Variants in GUCA1B observed in about 807,000 individuals in gnomAD.
GUCA1B encodes the protein guanylyl cyclase-activating protein 2.
A neutral mutation model predicts 24.2 loss-of-function variants in GUCA1B; 22 were observed. That is an observed-to-expected ratio of 0.91 (90% CI 0.65 to 1.30). The LOEUF (loss-of-function observed/expected upper bound fraction) is 1.30, where lower values mean the gene tolerates loss of function less well. Among genes scored for constraint, GUCA1B ranks in the 50% most tolerant of loss-of-function variants. GUCA1B has a pLI of 0.00. For synonymous variants in GUCA1B, 100 were observed against 97.9 expected (o/e 1.02, Z -0.13); for missense variants, 221 against 258.8 (o/e 0.85, Z 1.00).
intron 2 of GUCA1B, among the ~76,000 whole-genome samples, chr6:42,188,368 CCAAA>C (rs1020207167): frequency 6.6e-6 from 1 of 150,978 alleles, no homozygotes; most frequent in African/African-American, 2.4e-5. Context: ...TGCCTAATTT[CCAAA>C]CAGATGGGGA....
chr6:42,185,730 G>T lies in GUCA1B; in HGVS notation c.425C>A (p.Pro142His). 6.2e-7 allele frequency: 1 copy of T among 1,613,022 alleles called. No homozygotes were observed. The highest frequency in any genetic ancestry group is 8.5e-7 in the Non-Finnish European group (1 of 1,179,154). ...GAAGATCCTGTCCACGACCTCCTCG[G>T]GTGTGAGCAGCTGGCCTTGCTCAGT... ...LQTEQGQLLT[P>H]EEVVDRIFLL... Residue 142 changes from proline to histidine, a missense_variant, in exon 3 of 4, where the codon CCC (proline) becomes CAC (histidine). Physicochemically the swap from Pro to His is moderately conservative, Grantham distance 77. Transcript: ENST00000230361.
chr6:42,194,646 C>G lies in GUCA1B; in HGVS notation c.175G>C (p.Glu59Gln), dbSNP rs147747825. Residue 59 changes from glutamate to glutamine, a missense_variant, in exon 1 of 4, where the codon GAG (glutamate) becomes CAG (glutamine). Coordinates refer to ENST00000230361, the MANE Select transcript of GUCA1B (RefSeq NM_002098.6). The stretch of plus-strand genomic sequence containing the variant: ...TTGTCGAAGGCTCGGAACATGCCCT[C>G]TACATACTGGGAGGCCTCCTCATCG... ...TDDEEASQYVEGMFRAFDKNG... is the reference protein window; with the variant it reads ...TDDEEASQYVQGMFRAFDKNG... 6.2e-7 allele frequency: 1 copy of G among 1,613,580 alleles called. No individual in the cohort carries two copies. The highest frequency in any genetic ancestry group is 8.5e-7 in the Non-Finnish European group (1 of 1,179,506).
rs531200440 is a variant in GUCA1B at position 42,187,107 on chromosome 6, TTTTATTTTA to T, written c.358-1319_358-1311del. 1.5e-4 allele frequency among the ~76,000 whole-genome samples: 11 copies of T among 75,214 alleles called. No individual in the cohort carries two copies. The African/African-American group carries it at 1.7e-3, about 12-fold the overall frequency. The allele number at this position is 75,214 out of a possible 152,430, so 49.3% of individuals were successfully genotyped here. On this transcript the variant is annotated intron_variant, in intron 2 of 3. Transcript: ENST00000230361. ...CTTTCTTCTACTATCTTTCGATTTATTTTATTTTATTTTTTTGAGACGGAGTCTTGCTCT... is the reference window on the plus strand; with the variant it reads ...CTTTCTTCTACTATCTTTCGATTTATTTTTTTTGAGACGGAGTCTTGCTCT...
At chr6:42,194,137 G>C (rs1768357323) in intron 1 of GUCA1B, among the ~76,000 whole-genome samples, 1 of 152,202 alleles carries the variant, frequency 6.6e-6, no homozygotes, top group African/African-American at 2.4e-5. Flanking sequence ...TCTTGACAGG[G>C]AGGATCTGAC....
chr6:42,194,502 A>C, intron 1 of GUCA1B, 112 bp downstream of exon 1: 1 of 762,918 alleles, frequency 1.3e-6, no homozygotes, highest in Non-Finnish European at 2.4e-6. Flanking sequence ...GAGTGGAAAG[A>C]AGAGCAGAGA....
chr6:42,183,314 T>G lies in GUCA1B; in HGVS notation c.*1501A>C, dbSNP rs962141873. ...TTTAATAGGTTAGTTTTATTTCTTATATACCAACATAAAAACCTATCTATT... is the reference window on the plus strand; with the variant it reads ...TTTAATAGGTTAGTTTTATTTCTTAGATACCAACATAAAAACCTATCTATT... On this transcript the variant is annotated 3_prime_UTR_variant, in exon 4 of 4. Coordinates refer to ENST00000230361, the MANE Select transcript of GUCA1B (RefSeq NM_002098.6). Among the ~76,000 whole-genome samples, 41 of 152,234 alleles carry G rather than the reference T, an allele frequency of 2.7e-4. No individual in the cohort carries two copies. Among genetic ancestry groups the G allele is most frequent in the African/African-American group, 9.2e-4 (38 of 41,472 alleles).
rs777580828 is a variant in GUCA1B, at chr6:42,184,924, T to C, written c.494A>G (p.Glu165Gly). ...GTCCCGACGGGCACCTTCAACAAAC[T>C]CGTTCAGAGACAGCTGGCCTGAGCA... is the stretch of plus-strand genomic sequence containing the variant. ...ENGDGQLSLN[E>G]FVEGARRDKW... Residue 165 changes from glutamate (E) to glycine (G), a missense_variant, in exon 4 of 4, where the codon GAG (glutamate) becomes GGG (glycine). By Grantham distance (98) the Glu-to-Gly change is moderately conservative. Transcript: ENST00000230361. 4.3e-6 allele frequency: 7 copies of C among 1,613,816 alleles called. No homozygotes were observed.
intron 1 of GUCA1B, among the ~76,000 whole-genome samples, chr6:42,193,624 G>A (rs1042997415): frequency 6.6e-6 from 1 of 152,192 alleles, no homozygotes; most frequent in Non-Finnish European, 1.5e-5. Context: ...TGGGGTGGTC[G>A]ATGGGGTTCA....
intron 2 of GUCA1B, 34 bp from the exon 3 acceptor site, chr6:42,185,831 A>G: frequency 7.6e-7 from 1 of 1,321,936 alleles, no homozygotes; most frequent in South Asian, 1.2e-5. Flanking sequence ...TTGACGGGAG[A>G]CCCTGAAAGC....
At chr6:42,194,134 A>C (rs1226795042) in intron 1 of GUCA1B, among the ~76,000 whole-genome samples, 1 of 152,236 alleles carries the variant, frequency 6.6e-6, no homozygotes, top group East Asian at 1.9e-4. Context: ...CATTCTTGAC[A>C]GGGAGGATCT....
Position 42,186,307 on chromosome 6 carries a change from T to C in GUCA1B, c.358-510A>G, listed in dbSNP as rs768905985. Among the ~76,000 whole-genome samples the C allele has an allele frequency of 8.5e-4, 129 of 152,226 alleles. 1 individual carries two copies. Among genetic ancestry groups the C allele is most frequent in the Non-Finnish European group, 5.0e-4 (34 of 67,990 alleles). On this transcript the variant is annotated intron_variant, in intron 2 of 3. Transcript: ENST00000230361. ...TGAGACTATGTTTGTGAAAGCACCA[T>C]GTAGTCTGGGCGCTGTGGCTCATGC...
intron 1 of GUCA1B, among the ~76,000 whole-genome samples, chr6:42,190,588 G>C (rs921198821): frequency 1.3e-5 from 2 of 151,952 alleles, no homozygotes; most frequent in East Asian, 3.9e-4. Context: ...AATCAATCTT[G>C]TGTTTCTTAT....
In GUCA1B at chr6:42,184,027, A is replaced by G. The variant is rs537147201; in HGVS notation, c.*788T>C. 1.3e-4 allele frequency among the ~76,000 whole-genome samples: 20 copies of G among 151,914 alleles called. No individual in the cohort carries two copies. The highest frequency in any genetic ancestry group is 4.6e-4 in the African/African-American group (19 of 41,396). ...AGGGTCCTCCCCATGAACGCCCCTC[A>G]GCATCCCGGAAGTTATAGAATTATT... On this transcript the variant is annotated 3_prime_UTR_variant, in exon 4 of 4. Coordinates refer to ENST00000230361, the MANE Select transcript of GUCA1B (RefSeq NM_002098.6).
intron 1 of GUCA1B, among the ~76,000 whole-genome samples, chr6:42,193,239 A>G (rs1768340619): frequency 6.6e-6 from 1 of 152,240 alleles, no homozygotes; most frequent in Non-Finnish European, 1.5e-5. Flanking sequence ...AAGGAGTACA[A>G]CTATATGCCT....
chr6:42,194,875 G>A lies in GUCA1B; in HGVS notation c.-55C>T. 6.2e-6 allele frequency: 8 copies of A among 1,286,198 alleles called. No homozygotes were observed. The highest frequency in any genetic ancestry group is 2.2e-6 in the Non-Finnish European group (2 of 910,820). The allele number at this position is 1,286,198 out of a possible 1,614,324, so 79.7% of individuals were successfully genotyped here. On this transcript the variant is annotated 5_prime_UTR_variant, in exon 1 of 4. Transcript: ENST00000230361. ...GGTCTGTATCTCCTCCCTGGCTTCT[G>A]CTGATGGATCTCTCCAACTAGGGCC...
chr6:42,192,360 A>T, intron 1 of GUCA1B, among the ~76,000 whole-genome samples: 1 of 30,614 alleles, frequency 3.3e-5, no homozygotes, highest in South Asian at 1.3e-3. Context: ...ACTCAAAAAA[A>T]AAAAAAAAAA....
At chr6:42,186,605 G>GC (rs1768197089) in intron 2 of GUCA1B, among the ~76,000 whole-genome samples, 1 of 149,248 alleles carries the variant, frequency 6.7e-6, no homozygotes, top group African/African-American at 2.6e-5. Context: ...AAAAAAAAAA[G>GC]AAAGAAAGAA....
chr6:42,188,442 CAGAA>C (rs1768235186), intron 2 of GUCA1B, 136 bp downstream of exon 2: 2 of 727,346 alleles, frequency 2.7e-6, no homozygotes, highest in African/African-American at 3.5e-5. Context: ...ATTACACACT[CAGAA>C]TGAGAACACA....
At chr6:42,192,393 AAGAAAAGAAAAGAAAAAGG>A (rs1562064926) in intron 1 of GUCA1B, among the ~76,000 whole-genome samples, 218 of 16,930 alleles carry the variant, frequency 0.013, 20 homozygotes, top group African/African-American at 0.022. Flanking sequence ...GAGAAAAGAA[AAGAAAAGAAAAGAAAAAGG>A]AAAAAAGAAA....
Sources: allele counts gnomAD v4.1 joint callset (sites outside exome capture counted in the v4.1 genomes callset), GRCh38; gene constraint gnomAD v4.1.1; transcripts MANE v1.5; gene names NCBI Gene and HGNC (gene_info 2026-07-23, HGNC 2026-07-21).